Variants in SLC26A2 observed in about 807,000 individuals in gnomAD.
The protein encoded by SLC26A2 is solute carrier family 26 member 2.
SLC26A2 carries 36 observed loss-of-function variants against 41.1 expected under a neutral mutation model. The observed-to-expected ratio is 0.88, with a 90% CI of 0.67 to 1.16. The LOEUF is 1.16. Among genes scored for constraint, SLC26A2 ranks in the 50% most tolerant of loss-of-function variants. The probability of loss-of-function intolerance (pLI) is 0.00; values close to 1 mark genes in which losing one functional copy is unlikely to be tolerated. For synonymous variants in SLC26A2, 291 were observed against 311.6 expected (o/e 0.93, Z 0.70); for missense variants, 796 against 869.6 (o/e 0.92, Z 1.07).
chr5:149,968,695 C>T (rs1754848200), intron 1 of SLC26A2, among the ~76,000 whole-genome samples: 1 of 151,240 alleles, frequency 6.6e-6, no homozygotes, highest in South Asian at 2.1e-4. Context: ...GCTGGGATTA[C>T]AGGCGTGAGC....
chr5:149,985,695 T>A lies in SLC26A2; in HGVS notation c.*3882T>A, dbSNP rs1339856665. On this transcript the variant is annotated 3_prime_UTR_variant, in exon 3 of 3. Transcript: ENST00000286298. ...GTTCTGTGATCCTTATTGTTCTTAA[T>A]TGTGTTTCTCTACGTATTGTTACAG... 1 of 152,234 alleles carries A rather than the reference T, an allele frequency of 6.6e-6. No individual in the cohort carries two copies. Among genetic ancestry groups the A allele is most frequent in the Non-Finnish European group, 1.5e-5 (1 of 68,048 alleles). The allele number at this position is 152,234 out of a possible 1,614,324, so 9.4% of individuals were successfully genotyped here.
chr5:149,968,668 C>T (rs1052568962), intron 1 of SLC26A2, among the ~76,000 whole-genome samples: 36 of 151,416 alleles, frequency 2.4e-4, no homozygotes, highest in Non-Finnish European at 4.4e-4. Context: ...GATCCGCCTG[C>T]CTCGGCCTCC....
intron 1 of SLC26A2, among the ~76,000 whole-genome samples, chr5:149,974,300 A>G (rs1253133247): frequency 6.6e-6 from 1 of 151,574 alleles, no homozygotes; most frequent in Non-Finnish European, 1.5e-5. Context: ...TTTTCTCTTT[A>G]TCTTTTGTTT....
intron 1 of SLC26A2, among the ~76,000 whole-genome samples, chr5:149,970,660 G>A (rs936965772): frequency 2.6e-5 from 4 of 152,154 alleles, no homozygotes; most frequent in African/African-American, 9.7e-5. Flanking sequence ...CTGCAAAAAA[G>A]CCAGTAGGAA....
Position 149,984,088 on chromosome 5 carries a change from G to C in SLC26A2, c.*2275G>C, listed in dbSNP as rs981675373. 6.6e-6 allele frequency: 1 copy of C among 152,170 alleles called. No homozygotes were observed. Among genetic ancestry groups the C allele is most frequent in the Non-Finnish European group, 1.5e-5 (1 of 68,034 alleles). The allele number at this position is 152,170 out of a possible 1,614,324, so 9.4% of individuals were successfully genotyped here. On this transcript the variant is annotated 3_prime_UTR_variant, in exon 3 of 3. Coordinates refer to ENST00000286298, the MANE Select transcript of SLC26A2 (RefSeq NM_000112.4). ...ATAACAGGATTTGACCTTTACCAGC[G>C]ATTTCTGTCCATATGTGGATGTAAA...
Position 149,968,101 on chromosome 5 carries a change from A to C in SLC26A2, c.-26+7122A>C, listed in dbSNP as rs1754837440. Among the ~76,000 whole-genome samples the C allele has an allele frequency of 2.6e-5, 4 of 151,932 alleles. 1 individual carries two copies. The highest frequency in any genetic ancestry group is 2.0e-4 in the Admixed American group (3 of 15,246). On this transcript the variant is annotated intron_variant, in intron 1 of 2. Transcript: ENST00000286298. ...TTGTAGATGAAGAGTATCAGAACTT[A>C]ATTCCTTTTTAATAGTCAAATAATA... is the stretch of plus-strand genomic sequence containing the variant.
At position 149,986,908 on chromosome 5, in the gene SLC26A2, G is replaced by GT. The variant is rs1422567675; in HGVS notation, c.*5098dup. On this transcript the variant is annotated 3_prime_UTR_variant, in exon 3 of 3. Coordinates refer to ENST00000286298, the MANE Select transcript of SLC26A2 (RefSeq NM_000112.4). ...AACACAAATCAGTTGGAAAATTATG[G>GT]TTTGAGTCCTGTTGCTGCCATGGCT... 1 of 152,166 alleles carries GT rather than the reference G, an allele frequency of 6.6e-6. No homozygotes were observed. The highest frequency in any genetic ancestry group is 1.5e-5 in the Non-Finnish European group (1 of 68,030). 9.4% of individuals were successfully genotyped at this position (152,166 alleles called of 1,614,324 possible). A position where few individuals can be genotyped will look rare whatever the true frequency, so the allele number is the denominator to read the frequency against.
chr5:149,964,062 T>C (rs1754761877), intron 1 of SLC26A2, among the ~76,000 whole-genome samples: 1 of 152,180 alleles, frequency 6.6e-6, no homozygotes, highest in East Asian at 1.9e-4. Flanking sequence ...GCATAGAAGC[T>C]TATACCAATG....
Position 149,981,592 on chromosome 5 carries a change from C to T in SLC26A2, c.1999C>T (p.Leu667=), listed in dbSNP as rs1180249974. The change falls in exon 3 of 3, where the codon CTG becomes TTG. Residue 667 remains leucine (L), a synonymous_variant. Coordinates refer to ENST00000286298, the MANE Select transcript of SLC26A2 (RefSeq NM_000112.4). ...TTTAGATACAGCAGGGATCCACACA[C>T]TGAAAGAAGTTCGCAGAGATTATGA... ...QFLDTAGIHT[L]KEVRRDYEAI... The T allele has an allele frequency of 1.2e-6, 2 of 1,614,064 alleles. No individual in the cohort carries two copies. Among genetic ancestry groups the T allele is most frequent in the Admixed American group, 1.7e-5 (1 of 60,012 alleles).
chr5:149,981,784 C>T lies in SLC26A2; in HGVS notation c.2191C>T (p.Pro731Ser). The T allele has an allele frequency of 6.2e-7, 1 of 1,612,560 alleles. No homozygotes were observed. The highest frequency in any genetic ancestry group is 8.5e-7 in the Non-Finnish European group (1 of 1,179,214). Residue 731 changes from proline (P) to serine (S), a missense_variant, in exon 3 of 3, where the codon CCC becomes TCC. By Grantham distance (74) the Pro-to-Ser change is moderately conservative. Transcript: ENST00000286298. ...TAAAAATCAGAAAGGAGTATGTGTT[C>T]CCAATGGTCTGAGTCTTAGTAGTGA... is the stretch of plus-strand genomic sequence containing the variant. Reference protein sequence around the residue: ...VSKNQKGVCVPNGLSLSSD With the variant: ...VSKNQKGVCVSNGLSLSSD
At chr5:149,980,224 G>A in intron 2 of SLC26A2, 69 bp from the exon 3 acceptor site, 1 of 1,241,846 alleles carries the variant, frequency 8.1e-7, no homozygotes. Context: ...TGCAAGAAAT[G>A]TCAGGATAAT....
Position 149,980,802 on chromosome 5 carries a change from G to A in SLC26A2, c.1209G>A (p.Met403Ile). ...GFAITVSLSE[M>I]FAKKHGYTVK... The stretch of plus-strand genomic sequence containing the variant: ...CTATCACTGTATCACTTTCTGAGAT[G>A]TTTGCCAAGAAACATGGTTACACAG... Residue 403 changes from methionine to isoleucine, a missense_variant, in exon 3 of 3, where the codon ATG (methionine) becomes ATA (isoleucine). Physicochemically the swap from Met to Ile is conservative, Grantham distance 10. Coordinates refer to ENST00000286298, the MANE Select transcript of SLC26A2 (RefSeq NM_000112.4). The A allele has an allele frequency of 6.2e-7, 1 of 1,614,026 alleles. No individual in the cohort carries two copies. Among genetic ancestry groups the A allele is most frequent in the African/African-American group, 1.3e-5 (1 of 75,014 alleles).
intron 1 of SLC26A2, among the ~76,000 whole-genome samples, chr5:149,965,284 A>G (rs1209253981): frequency 6.6e-6 from 1 of 152,110 alleles, no homozygotes; most frequent in Non-Finnish European, 1.5e-5. Flanking sequence ...AGATGAGACC[A>G]TCCTGGCCAA....
chr5:149,971,067 A>G (rs1184418862), intron 1 of SLC26A2, among the ~76,000 whole-genome samples: 1 of 152,244 alleles, frequency 6.6e-6, no homozygotes, highest in Admixed American at 6.5e-5. Context: ...TGGAGTAAGC[A>G]TGGGTTGCAG....
At chr5:149,979,594 C>T (rs1046920746) in intron 2 of SLC26A2, among the ~76,000 whole-genome samples, 5 of 151,920 alleles carry the variant, frequency 3.3e-5, no homozygotes, top group Non-Finnish European at 5.9e-5. Context: ...GAAGGCATAA[C>T]AATTCTGAAA....
intron 2 of SLC26A2, among the ~76,000 whole-genome samples, 183 bp downstream of exon 2, chr5:149,978,534 G>A (rs1755037902): frequency 6.6e-6 from 1 of 152,086 alleles, no homozygotes; most frequent in Admixed American, 6.5e-5. Flanking sequence ...TATAAGGCTG[G>A]TTCACTGGAC....
At position 149,986,377 on chromosome 5, in the gene SLC26A2, C is replaced by T. The variant is rs1755200018; in HGVS notation, c.*4564C>T. ...AATGGAAAAGGACAAAATAATATAC[C>T]AGCTGGTTTGTTATTATAGTCCGTG... On this transcript the variant is annotated 3_prime_UTR_variant, in exon 3 of 3. Coordinates refer to ENST00000286298, the MANE Select transcript of SLC26A2 (RefSeq NM_000112.4). The T allele has an allele frequency of 6.6e-6, 1 of 151,526 alleles. No individual in the cohort carries two copies. Among genetic ancestry groups the T allele is most frequent in the Admixed American group, 6.6e-5 (1 of 15,212 alleles). The allele number at this position is 151,526 out of a possible 1,614,324, so 9.4% of individuals were successfully genotyped here. A position where few individuals can be genotyped will look rare whatever the true frequency, so the allele number is the denominator to read the frequency against.
In SLC26A2 at chr5:149,978,343, G is replaced by A. The variant is rs1554095170; in HGVS notation, c.691G>A (p.Val231Ile). Residue 231 changes from valine (V) to isoleucine (I), a missense_variant, in exon 2 of 3, where the codon GTT becomes ATT. Transcript: ENST00000286298. ...VGSTVTFIAG[V>I]YQVAMGFFQV... ...CAGCACTGTAACCTTTATAGCTGGA[G>A]TTTATCAGGTAAGCAGCAATGAAAC... is the stretch of plus-strand genomic sequence containing the variant. 6.2e-7 allele frequency: 1 copy of A among 1,610,798 alleles called. No homozygotes were observed. The highest frequency in any genetic ancestry group is 8.5e-7 in the Non-Finnish European group (1 of 1,178,790).
At chr5:149,976,152 T>C (rs899428984) in intron 1 of SLC26A2, among the ~76,000 whole-genome samples, 2 of 148,030 alleles carry the variant, frequency 1.4e-5, no homozygotes, top group Admixed American at 1.3e-4. Flanking sequence ...AGTGAAACTC[T>C]GTCTCAAAAA....
Sources: gnomAD v4.1 joint callset for allele counts (sites outside exome capture counted in the v4.1 genomes callset) on GRCh38, gnomAD v4.1.1 for gene constraint, MANE v1.5 for transcripts, NCBI Gene and HGNC (gene_info 2026-07-23, HGNC 2026-07-21) for gene names.